Variants in FCHSD2 observed in about 807,000 individuals in gnomAD.
The protein encoded by FCHSD2 is F-BAR and double SH3 domains protein 2.
FCHSD2 carries 38 observed loss-of-function variants against 108.1 expected under a neutral mutation model. The observed-to-expected ratio is 0.35, with a 90% confidence interval of 0.27 to 0.46. The LOEUF is 0.46. Among genes scored for constraint, FCHSD2 ranks in the 20% least tolerant of loss-of-function variants. The probability of loss-of-function intolerance (pLI) is 1.00; values close to 1 mark genes in which losing one functional copy is unlikely to be tolerated. For synonymous variants in FCHSD2, 279 were observed against 314.7 expected (o/e 0.89, Z 1.20); for missense variants, 751 against 897.8 (o/e 0.84, Z 2.09).
Position 73,141,921 on chromosome 11 carries a change from A to G in FCHSD2, c.-44T>C. On this transcript the variant is annotated 5_prime_UTR_variant, in exon 1 of 20. Coordinates refer to ENST00000409418, the MANE Select transcript of FCHSD2 (RefSeq NM_014824.3). ...ATCCTCCCCGACGGCAGCGTTAGCA[A>G]GGACCAGGAGGAGGAGGAGGGCCGG... 1 of 1,534,290 alleles carries G rather than the reference A, an allele frequency of 6.5e-7. No homozygotes were observed. The highest frequency in any genetic ancestry group is 8.8e-7 in the Non-Finnish European group (1 of 1,141,162).
At chr11:72,917,263 G>A (rs1348537712) in intron 9 of FCHSD2, among the ~76,000 whole-genome samples, 7 of 152,174 alleles carry the variant, frequency 4.6e-5, no homozygotes, top group Non-Finnish European at 7.4e-5. Flanking sequence ...GATTACAGGC[G>A]TGAGCCATCA....
At chr11:73,099,746 G>A (rs1318902519) in intron 2 of FCHSD2, among the ~76,000 whole-genome samples, 1 of 152,182 alleles carries the variant, frequency 6.6e-6, no homozygotes, top group African/African-American at 2.4e-5. Context: ...GACCAAAAAG[G>A]CTGTTTCCCC....
At chr11:73,057,161 A>G (rs992190164) in intron 3 of FCHSD2, among the ~76,000 whole-genome samples, 5 of 152,214 alleles carry the variant, frequency 3.3e-5, no homozygotes, top group Admixed American at 2.0e-4. Context: ...GTACATAAGG[A>G]AACAACCTAG....
At chr11:72,981,666 A>G (rs1857218029) in intron 8 of FCHSD2, among the ~76,000 whole-genome samples, 1 of 152,192 alleles carries the variant, frequency 6.6e-6, no homozygotes, top group Non-Finnish European at 1.5e-5. Flanking sequence ...CTGAAGCACT[A>G]TGTAATACCT....
intron 2 of FCHSD2, among the ~76,000 whole-genome samples, chr11:73,101,555 A>G (rs1860225876): frequency 6.6e-6 from 1 of 152,006 alleles, no homozygotes; most frequent in African/African-American, 2.4e-5. Context: ...CTCCCACCTC[A>G]GCCTCCCGAG....
chr11:72,916,293 T>C (rs1029083842), intron 9 of FCHSD2, among the ~76,000 whole-genome samples: 5 of 150,396 alleles, frequency 3.3e-5, no homozygotes, highest in African/African-American at 7.3e-5. Context: ...GACCTTTTGG[T>C]ACACAACTTT....
At chr11:73,039,363 C>T (rs1055818260) in intron 3 of FCHSD2, among the ~76,000 whole-genome samples, 7 of 151,760 alleles carry the variant, frequency 4.6e-5, no homozygotes, top group African/African-American at 1.5e-4. Context: ...ACTAAAAATA[C>T]GAAAATTAGC....
intron 8 of FCHSD2, among the ~76,000 whole-genome samples, chr11:72,963,744 C>T (rs1459505082): frequency 6.6e-6 from 1 of 152,146 alleles, no homozygotes; most frequent in Non-Finnish European, 1.5e-5. Flanking sequence ...AGGGTTCTTA[C>T]ACCTATGATA....
chr11:73,101,976 G>A (rs537748543), intron 2 of FCHSD2, among the ~76,000 whole-genome samples: 1 of 152,266 alleles, frequency 6.6e-6, no homozygotes, highest in South Asian at 2.1e-4. Flanking sequence ...AATCTGCAGG[G>A]TAGGCCAGAA....
chr11:72,845,028 T>C (rs1007867618), intron 14 of FCHSD2, among the ~76,000 whole-genome samples: 5 of 152,220 alleles, frequency 3.3e-5, no homozygotes, highest in African/African-American at 1.2e-4. Flanking sequence ...ATGTTTTTCA[T>C]GGCAAGACCT....
chr11:73,105,035 G>C (rs1051219519), intron 2 of FCHSD2, among the ~76,000 whole-genome samples: 4 of 152,298 alleles, frequency 2.6e-5, no homozygotes, highest in Admixed American at 2.0e-4. Context: ...AGTACTTCAA[G>C]TTTTTCAAAG....
intron 12 of FCHSD2, among the ~76,000 whole-genome samples, chr11:72,873,108 T>C (rs1854897082): frequency 6.6e-6 from 1 of 152,154 alleles, no homozygotes; most frequent in Non-Finnish European, 1.5e-5. Context: ...GGCGGGCAGA[T>C]CACCAGGTCA....
At position 72,989,024 on chromosome 11, in the gene FCHSD2, T is replaced by A; in HGVS notation, c.461A>T (p.Lys154Ile). ...AGCCATCTGTTCAGTCTCAAAGTAT[T>A]TCTTTTTGCCTTTAGCTAAATCTTT... ...TVKDLAKGKKKYFETEQMAHA... is the reference protein window; with the variant it reads ...TVKDLAKGKKIYFETEQMAHA... The change falls in exon 6 of 20, where the codon AAA (lysine) becomes ATA (isoleucine). Residue 154 changes from lysine (K) to isoleucine (I), a missense_variant. Coordinates refer to ENST00000409418, the MANE Select transcript of FCHSD2 (RefSeq NM_014824.3). 6.2e-7 allele frequency: 1 copy of A among 1,611,850 alleles called. No homozygotes were observed. Among genetic ancestry groups the A allele is most frequent in the African/African-American group, 1.3e-5 (1 of 75,038 alleles).
intron 5 of FCHSD2, among the ~76,000 whole-genome samples, chr11:72,990,323 C>A (rs528356293): frequency 6.6e-6 from 1 of 152,130 alleles, no homozygotes; most frequent in Admixed American, 6.6e-5. Flanking sequence ...GGTAGGCAAA[C>A]TGCATCAATT....
At chr11:73,108,705 A>T (rs1361852316) in intron 2 of FCHSD2, among the ~76,000 whole-genome samples, 1 of 152,090 alleles carries the variant, frequency 6.6e-6, no homozygotes. Context: ...AGTAGCTGGG[A>T]CTACAGGCGC....
chr11:73,028,328 T>C (rs1438165164), intron 3 of FCHSD2, among the ~76,000 whole-genome samples: 1 of 152,132 alleles, frequency 6.6e-6, no homozygotes, highest in Non-Finnish European at 1.5e-5. Flanking sequence ...TCAAAGGAGA[T>C]TATTTTGGAG....
chr11:72,838,718 G>T lies in FCHSD2; in HGVS notation c.*73C>A. 3.2e-6 allele frequency: 4 copies of T among 1,239,254 alleles called. No individual in the cohort carries two copies. The highest frequency in any genetic ancestry group is 4.6e-6 in the Non-Finnish European group (4 of 864,136). The allele number at this position is 1,239,254 out of a possible 1,614,324, so 76.8% of individuals were successfully genotyped here. A position where few individuals can be genotyped will look rare whatever the true frequency, so the allele number is the denominator to read the frequency against. Reference sequence around the variant, plus strand: ...TCAAGAGTCATCATCATGCAAAGGTGCCTAAAAAACAAGACTGGCCAAACT... The same window carrying T: ...TCAAGAGTCATCATCATGCAAAGGTTCCTAAAAAACAAGACTGGCCAAACT... On this transcript the variant is annotated 3_prime_UTR_variant, in exon 20 of 20. Transcript: ENST00000409418.
At chr11:72,848,016 CT>C (rs1218550684) in intron 14 of FCHSD2, among the ~76,000 whole-genome samples, 2 of 152,168 alleles carry the variant, frequency 1.3e-5, no homozygotes, top group Non-Finnish European at 2.9e-5. Flanking sequence ...AATATAGTTT[CT>C]TTGTTCTCAC....
chr11:72,855,053 C>T (rs1433150672), intron 13 of FCHSD2, among the ~76,000 whole-genome samples: 2 of 152,204 alleles, frequency 1.3e-5, no homozygotes, highest in South Asian at 4.1e-4. Context: ...GCAGGCAGTT[C>T]ACCTGAGGTC....
Sources: gnomAD v4.1 joint callset for allele counts (sites outside exome capture counted in the v4.1 genomes callset) on GRCh38, gnomAD v4.1.1 for gene constraint, MANE v1.5 for transcripts, NCBI Gene and HGNC (gene_info 2026-07-23, HGNC 2026-07-21) for gene names.